CNTNAP5: variants seen among roughly 807,000 people sequenced by gnomAD.
CNTNAP5 encodes the protein contactin associated protein family member 5, also known as contactin-associated protein-like 5.
In CNTNAP5, 72 loss-of-function variants were observed where a neutral mutation model predicts 150.2. The observed-to-expected ratio is 0.48, with a 90% CI of 0.40 to 0.58. The LOEUF (loss-of-function observed/expected upper bound fraction) is 0.58, where lower values mean the gene tolerates loss of function less well. Ranked by LOEUF, CNTNAP5 falls within the 20% of genes least tolerant of loss-of-function variation. The pLI is 0.00. For missense variants in CNTNAP5, 1,636 were observed against 1,626.2 expected, an observed-to-expected ratio of 1.01 and a Z score of -0.10; for synonymous variants, 672 against 619.8, an observed-to-expected ratio of 1.08 and a Z score of -1.25.
chr2:124,872,501 A>C (rs1677773087), intron 21 of CNTNAP5, among the ~76,000 whole-genome samples: 1 of 147,066 alleles, frequency 6.8e-6, no homozygotes, highest in South Asian at 2.1e-4. Flanking sequence ...CCTCAAAATA[A>C]GATTTTTTTT....
chr2:124,518,921 G>A (rs113914538), intron 8 of CNTNAP5, among the ~76,000 whole-genome samples: 6,146 of 150,004 alleles, frequency 0.041, 150 homozygotes, highest in Non-Finnish European at 0.048. Flanking sequence ...CCCAGGAGGC[G>A]GAGGTTGCAG....
intron 1 of CNTNAP5, among the ~76,000 whole-genome samples, chr2:124,060,058 T>A (rs17271252): frequency 0.31 from 46,927 of 152,030 alleles, 7,566 homozygotes; most frequent in Admixed American, 0.37. Context: ...TTGGCTGGTG[T>A]CCATAACCTC....
chr2:124,161,999 G>T lies in CNTNAP5; in HGVS notation c.83-59706G>T, dbSNP rs1357174515. Among the ~76,000 whole-genome samples, 2 of 152,090 alleles carry T rather than the reference G, an allele frequency of 1.3e-5. 1 individual carries two copies. The highest frequency in any genetic ancestry group is 2.9e-5 in the Non-Finnish European group (2 of 68,018). On this transcript the variant is annotated intron_variant, in intron 1 of 23. Transcript: ENST00000682447. ...CAGGAAAATAATAAAAGGAAAAAAG[G>T]GTAGCAGATGCACACCATATGTGTG... is the stretch of plus-strand genomic sequence containing the variant.
At chr2:124,232,202 G>T (rs1686640065) in intron 2 of CNTNAP5, among the ~76,000 whole-genome samples, 1 of 152,220 alleles carries the variant, frequency 6.6e-6, no homozygotes, top group South Asian at 2.1e-4. Flanking sequence ...AGAATTAAGA[G>T]CATGATTATT....
intron 6 of CNTNAP5, among the ~76,000 whole-genome samples, chr2:124,454,478 A>G (rs1200476688): frequency 2.0e-5 from 3 of 152,282 alleles, no homozygotes; most frequent in South Asian, 2.1e-4. Flanking sequence ...TGACAGCACT[A>G]GACAGGTCAT....
intron 13 of CNTNAP5, among the ~76,000 whole-genome samples, chr2:124,744,601 T>C (rs1403376852): frequency 2.6e-5 from 4 of 152,218 alleles, no homozygotes; most frequent in Admixed American, 1.3e-4. Context: ...TTGTCTGAAA[T>C]AGTATGAATC....
At chr2:124,430,938 A>G (rs1230533019) in intron 4 of CNTNAP5, among the ~76,000 whole-genome samples, 5 of 152,126 alleles carry the variant, frequency 3.3e-5, no homozygotes, top group Non-Finnish European at 1.5e-5. Flanking sequence ...ATGCCTTTGT[A>G]TTTTCAGGTC....
chr2:124,393,250 C>A (rs146667015), intron 3 of CNTNAP5, among the ~76,000 whole-genome samples: 32 of 152,226 alleles, frequency 2.1e-4, no homozygotes, highest in African/African-American at 7.2e-4. Flanking sequence ...TGACAATTAG[C>A]CAACCCACCG....
chr2:124,095,302 C>T (rs1330477978), intron 1 of CNTNAP5, among the ~76,000 whole-genome samples: 4 of 152,106 alleles, frequency 2.6e-5, no homozygotes, highest in Non-Finnish European at 5.9e-5. Flanking sequence ...AACGAGAACA[C>T]ATGGACATGA....
intron 10 of CNTNAP5, among the ~76,000 whole-genome samples, chr2:124,528,145 C>G (rs1489528800): frequency 2.0e-5 from 3 of 152,180 alleles, no homozygotes; most frequent in African/African-American, 4.8e-5. Context: ...TCTTCCAGTT[C>G]TGCTCACCCT....
At chr2:124,451,473 T>A (rs1256076381) in intron 6 of CNTNAP5, among the ~76,000 whole-genome samples, 1 of 152,034 alleles carries the variant, frequency 6.6e-6, no homozygotes, top group Non-Finnish European at 1.5e-5. Context: ...AAAAAATCTA[T>A]ATAATTATGT....
chr2:124,105,442 C>T (rs1334625787), intron 1 of CNTNAP5, among the ~76,000 whole-genome samples: 1 of 152,098 alleles, frequency 6.6e-6, no homozygotes, highest in African/African-American at 2.4e-5. Flanking sequence ...AGAATTTGCA[C>T]CGATGTACAC....
intron 17 of CNTNAP5, among the ~76,000 whole-genome samples, chr2:124,789,455 T>A (rs1681670250): frequency 6.6e-6 from 1 of 152,172 alleles, no homozygotes; most frequent in Admixed American, 6.5e-5. Context: ...ATTATGTGGG[T>A]AAACTTGTAT....
At chr2:124,268,398 C>T (rs1207277294) in intron 3 of CNTNAP5, among the ~76,000 whole-genome samples, 1 of 152,048 alleles carries the variant, frequency 6.6e-6, no homozygotes, top group East Asian at 1.9e-4. Flanking sequence ...AAGAATATCC[C>T]CCTTTTACAG....
At chr2:124,288,127 A>C (rs928122395) in intron 3 of CNTNAP5, among the ~76,000 whole-genome samples, 1 of 152,064 alleles carries the variant, frequency 6.6e-6, no homozygotes, top group African/African-American at 2.4e-5. Flanking sequence ...ACAAGGACTC[A>C]CCATGTTTCC....
At chr2:124,381,419 T>C (rs1038699405) in intron 3 of CNTNAP5, among the ~76,000 whole-genome samples, 15 of 151,852 alleles carry the variant, frequency 9.9e-5, no homozygotes, top group African/African-American at 3.6e-4. Flanking sequence ...AAATGATAGG[T>C]CTTAGACAAG....
intron 3 of CNTNAP5, among the ~76,000 whole-genome samples, chr2:124,381,558 T>TG (rs1690796533): frequency 6.6e-6 from 1 of 152,000 alleles, no homozygotes; most frequent in Admixed American, 6.6e-5. Context: ...CTGCACACTG[T>TG]GGGAAGATCC....
intron 2 of CNTNAP5, among the ~76,000 whole-genome samples, chr2:124,222,077 C>CA (rs1686335744): frequency 6.6e-6 from 1 of 151,954 alleles, no homozygotes; most frequent in Non-Finnish European, 1.5e-5. Flanking sequence ...TTATAAAAAG[C>CA]ACTTGCTTTA....
intron 3 of CNTNAP5, among the ~76,000 whole-genome samples, chr2:124,310,769 A>T (rs1449585811): frequency 5.3e-5 from 8 of 152,222 alleles, no homozygotes; most frequent in African/African-American, 1.9e-4. Context: ...CTATTTTTAA[A>T]GTTATGGATA....
Sources: allele counts gnomAD v4.1 joint callset (sites outside exome capture counted in the v4.1 genomes callset), GRCh38; gene constraint gnomAD v4.1.1; transcripts MANE v1.5; gene names NCBI Gene and HGNC (gene_info 2026-07-23, HGNC 2026-07-21).